MMEL1: variants seen among roughly 807,000 people sequenced by gnomAD.
MMEL1 encodes the protein membrane metallo-endopeptidase-like 1.
In MMEL1, 98 loss-of-function variants were observed where a neutral mutation model predicts 117.1. The observed-to-expected ratio is 0.84, with a 90% CI of 0.71 to 0.99. MMEL1 has a LOEUF of 0.99. Ranked by LOEUF, MMEL1 falls within the 50% of genes least tolerant of loss-of-function variation. The pLI, the probability that MMEL1 is intolerant of heterozygous loss-of-function variation, is 0.00. For missense variants in MMEL1, 1,014 were observed against 1,049.1 expected, an observed-to-expected ratio of 0.97 and a Z score of 0.46; for synonymous variants, 390 against 415.1, an observed-to-expected ratio of 0.94 and a Z score of 0.74.
chr1:2,590,682 A>G lies in MMEL1; in HGVS notation c.*308T>C, dbSNP rs1644666253. Reference sequence around the variant, plus strand: ...TTAGCTCAAGTCTGAAGCTGTAGATACTGGAAGACAATGCACCTTGGAGGG... The same window carrying G: ...TTAGCTCAAGTCTGAAGCTGTAGATGCTGGAAGACAATGCACCTTGGAGGG... On this transcript the variant is annotated 3_prime_UTR_variant, in exon 24 of 24. Coordinates refer to ENST00000378412, the MANE Select transcript of MMEL1 (RefSeq NM_033467.4). 1 of 346,308 alleles carries G rather than the reference A, an allele frequency of 2.9e-6. No homozygotes were observed. 21.5% of individuals were successfully genotyped at this position (346,308 alleles called of 1,614,324 possible). A position where few individuals can be genotyped will look rare whatever the true frequency, so the allele number is the denominator to read the frequency against.
At chr1:2,623,813 G>A (rs1242755101) in intron 2 of MMEL1, among the ~76,000 whole-genome samples, 4 of 152,180 alleles carry the variant, frequency 2.6e-5, no homozygotes, top group East Asian at 1.9e-4. Context: ...AACTATACTC[G>A]TCTGGCAGGC....
At chr1:2,629,572 C>CCCGG (rs1164198858) in intron 1 of MMEL1, 51 bp from the exon 2 acceptor site, 1 of 1,370,212 alleles carries the variant, frequency 7.3e-7, no homozygotes, top group African/African-American at 1.5e-5. Context: ...GCTCCCCGAG[C>CCCGG]CCGGCCCGAG....
In MMEL1 at chr1:2,609,826, T is replaced by C. The variant is rs777912090; in HGVS notation, c.298A>G (p.Arg100Gly). 16 of 1,606,644 alleles carry C rather than the reference T, an allele frequency of 1.0e-5. No individual in the cohort carries two copies. The highest frequency in any genetic ancestry group is 1.4e-5 in the Non-Finnish European group (16 of 1,176,298). ...TTPGCVIAAA[R>G]ILQNMDPTTE... ...GTCGGGTCCATGTTCTGGAGGATCCTGGCAGCTGCTCGTCCCCATGGCGTG... is the reference window on the plus strand; with the variant it reads ...GTCGGGTCCATGTTCTGGAGGATCCCGGCAGCTGCTCGTCCCCATGGCGTG... The change falls in exon 5 of 24, where the codon AGG (arginine) becomes GGG (glycine). Residue 100 changes from arginine (R) to glycine (G), a missense_variant. Physicochemically the swap from Arg to Gly is moderately radical, Grantham distance 125 (BLOSUM62 -2). Transcript: ENST00000378412.
intron 2 of MMEL1, among the ~76,000 whole-genome samples, chr1:2,616,591 A>C (rs1645204310): frequency 6.6e-6 from 1 of 152,214 alleles, no homozygotes; most frequent in African/African-American, 2.4e-5. Flanking sequence ...TCTCTACCAG[A>C]TGTGCCCCAC....
At chr1:2,627,174 A>G (rs921566126) in intron 2 of MMEL1, among the ~76,000 whole-genome samples, 8 of 152,240 alleles carry the variant, frequency 5.3e-5, no homozygotes, top group African/African-American at 1.9e-4. Context: ...TATTAACTTC[A>G]TATGTGTATC....
At chr1:2,620,571 G>C (rs1354451349) in intron 2 of MMEL1, among the ~76,000 whole-genome samples, 1 of 152,018 alleles carries the variant, frequency 6.6e-6, no homozygotes, top group South Asian at 2.1e-4. Context: ...GACTATTTGG[G>C]GATAGGGCCT....
At chr1:2,628,531 T>A (rs1194968616) in intron 2 of MMEL1, among the ~76,000 whole-genome samples, 1 of 152,138 alleles carries the variant, frequency 6.6e-6, no homozygotes. Context: ...GGGTGAGCAT[T>A]GCTCCCCGAT....
At chr1:2,609,131 G>A (rs1346196692) in intron 6 of MMEL1, among the ~76,000 whole-genome samples, 1 of 152,130 alleles carries the variant, frequency 6.6e-6, no homozygotes, top group Admixed American at 6.5e-5. Flanking sequence ...TGGGGTGTGA[G>A]TGAGGCCGCA....
chr1:2,595,928 A>G lies in MMEL1; in HGVS notation c.1500+81T>C, dbSNP rs1235374481. ...CCGGGGCTGCCTTCTCCCCGTGGGG[A>G]CCGTCAGGAGGCTTTGTCGGGGCGG... On this transcript the variant is annotated intron_variant, in intron 15 of 23. Coordinates refer to ENST00000378412, the MANE Select transcript of MMEL1 (RefSeq NM_033467.4). The surrounding 1 kb of genome is among the most constrained non-coding windows in gnomAD (Gnocchi z 4.8). 1 of 1,235,512 alleles carries G rather than the reference A, an allele frequency of 8.1e-7. No individual in the cohort carries two copies. 76.5% of individuals were successfully genotyped at this position (1,235,512 alleles called of 1,614,324 possible).
chr1:2,595,954 T>C lies in MMEL1; in HGVS notation c.1500+55A>G. On this transcript the variant is annotated intron_variant, in intron 15 of 23. Coordinates refer to ENST00000378412, the MANE Select transcript of MMEL1 (RefSeq NM_033467.4). This position sits in a 1 kb window ranked among gnomAD's most constrained non-coding sequence, Gnocchi z 4.8. ...CCGTCAGGAGGCTTTGTCGGGGCGG[T>C]GCTGCCCGTGCCCAGATCCAGTCGG... is the stretch of plus-strand genomic sequence containing the variant. 6.7e-7 allele frequency: 1 copy of C among 1,486,590 alleles called. No homozygotes were observed. The highest frequency in any genetic ancestry group is 1.1e-5 in the South Asian group (1 of 87,656). The allele number at this position is 1,486,590 out of a possible 1,614,324, so 92.1% of individuals were successfully genotyped here.
chr1:2,621,751 T>A (rs1645293326), intron 2 of MMEL1, among the ~76,000 whole-genome samples: 1 of 152,152 alleles, frequency 6.6e-6, no homozygotes, highest in Non-Finnish European at 1.5e-5. Flanking sequence ...TAAGTAGAGA[T>A]GGGGTTTCTC....
chr1:2,619,251 G>A (rs984398824), intron 2 of MMEL1, among the ~76,000 whole-genome samples: 8 of 152,224 alleles, frequency 5.3e-5, no homozygotes, highest in Admixed American at 4.6e-4. Context: ...CAGGCAAACA[G>A]TGGAGGTGCC....
intron 2 of MMEL1, among the ~76,000 whole-genome samples, chr1:2,613,588 A>G (rs976164127): frequency 6.6e-6 from 1 of 152,120 alleles, no homozygotes; most frequent in African/African-American, 2.4e-5. Flanking sequence ...ACATAGAGAA[A>G]CCAGCATGAG....
rs116258209 is a variant in MMEL1 at position 2,593,947 on chromosome 1, C to T, written c.1748-14G>A. On this transcript the variant is annotated splice_polypyrimidine_tract_variant and intron_variant, in intron 18 of 23. Transcript: ENST00000378412. ...CGGCAGGGAATACTGTCCCCAAGGG[C>T]GGGACAAAGAATAAGCTGTGAGTGG... The T allele has an allele frequency of 3.8e-4, 596 of 1,587,558 alleles. 2 individuals carry two copies. In the African/African-American group the frequency reaches 6.5e-3, roughly 17 times the overall value.
chr1:2,619,566 G>T (rs1198810298), intron 2 of MMEL1, among the ~76,000 whole-genome samples: 2 of 151,048 alleles, frequency 1.3e-5, no homozygotes, highest in Non-Finnish European at 2.9e-5. Context: ...GCTGAGGCAT[G>T]AGAATCACTT....
At chr1:2,617,483 C>T (rs1006141861) in intron 2 of MMEL1, among the ~76,000 whole-genome samples, 1 of 150,660 alleles carries the variant, frequency 6.6e-6, no homozygotes, top group African/African-American at 2.5e-5. Context: ...GCCTGTAATC[C>T]CATCTACTCA....
At chr1:2,594,536 C>T (rs1216647991) in intron 17 of MMEL1, 93 bp from the exon 18 acceptor site, 5 of 1,430,336 alleles carry the variant, frequency 3.5e-6, no homozygotes, top group Non-Finnish European at 4.8e-6. Flanking sequence ...CTACCCTGGC[C>T]ACACCAGAGC....
Position 2,595,228 on chromosome 1 carries a change from C to A in MMEL1, c.1584+48G>T. ...GAGGAGCCCCCAGGCAATCAGGGCC[C>A]ATGTCCACGGTGTGGGGGGCAGTTT... On this transcript the variant is annotated intron_variant, in intron 16 of 23. Transcript: ENST00000378412. The surrounding 1 kb of genome is among the most constrained non-coding windows in gnomAD (Gnocchi z 4.8). The A allele has an allele frequency of 6.5e-7, 1 of 1,536,872 alleles. No individual in the cohort carries two copies. The highest frequency in any genetic ancestry group is 9.0e-7 in the Non-Finnish European group (1 of 1,113,682).
At chr1:2,630,543 C>T (rs1008474785) in intron 1 of MMEL1, among the ~76,000 whole-genome samples, 3 of 135,796 alleles carry the variant, frequency 2.2e-5, no homozygotes, top group Admixed American at 2.1e-4. Context: ...TATGCACTGT[C>T]TACGCTCATG....
Sources: allele counts gnomAD v4.1 joint callset (sites outside exome capture counted in the v4.1 genomes callset), GRCh38; gene constraint gnomAD v4.1.1; non-coding constraint Gnocchi (gnomAD v3.1); transcripts MANE v1.5; gene names NCBI Gene and HGNC (gene_info 2026-07-23, HGNC 2026-07-21).